The following DCAF1 variants were observed in gnomAD, a reference collection of about 807,000 sequenced individuals.
The protein encoded by DCAF1 is DDB1 and CUL4 associated factor 1.
DCAF1 carries 15 observed loss-of-function variants against 128.0 expected under a neutral mutation model. That is an observed-to-expected ratio of 0.12 (90% CI 0.08 to 0.18). The LOEUF (loss-of-function observed/expected upper bound fraction) is 0.18, where lower values mean the gene tolerates loss of function less well. Among genes scored for constraint, DCAF1 ranks in the 10% least tolerant of loss-of-function variants. DCAF1 has a pLI of 1.00. For missense variants in DCAF1, 988 were observed against 1,649.5 expected (o/e 0.60, Z 6.95); for synonymous variants, 610 against 603.0 (o/e 1.01, Z -0.17).
chr3:51,443,785 C>G lies in DCAF1; in HGVS notation c.494G>C (p.Arg165Thr). 6.2e-7 allele frequency: 1 copy of G among 1,610,516 alleles called. No individual in the cohort carries two copies. Among genetic ancestry groups the G allele is most frequent in the Non-Finnish European group, 8.5e-7 (1 of 1,179,044 alleles). ...MENQDIAANY[R>T]DENSQLVAIV... ...CCTTACCAGCTGTGAATTTTCATCT[C>G]TATAGTTGGCAGCAATGTCTTGATT... Residue 165 changes from arginine to threonine, a missense_variant, in exon 7 of 25, where the codon AGA (arginine) becomes ACA (threonine). Physicochemically the swap from Arg to Thr is moderately conservative, Grantham distance 71. This residue lies in a region of DCAF1 where 210 missense variants were observed against 260.2 expected (regional missense o/e 0.81). Coordinates refer to ENST00000684031, the MANE Select transcript of DCAF1 (RefSeq NM_001387579.1).
At chr3:51,413,618 G>C (rs1553629329) in intron 20 of DCAF1, among the ~76,000 whole-genome samples, 1 of 152,120 alleles carries the variant, frequency 6.6e-6, no homozygotes. Context: ...CTACCTCCAA[G>C]AAGTGTTACT....
rs1196936372 is a variant in DCAF1 at position 51,425,557 on chromosome 3, A to T, written c.1847+1815T>A. ...CTTTCTAGTTATCTTGTAAGCTGTC[A>T]TCTTTTTTTTTTTTTTTTTTTTGGA... On this transcript the variant is annotated intron_variant, in intron 13 of 24. Coordinates refer to ENST00000684031, the MANE Select transcript of DCAF1 (RefSeq NM_001387579.1). Among the ~76,000 whole-genome samples the T allele has an allele frequency of 4.6e-5, 4 of 86,308 alleles. 1 individual carries two copies. Among genetic ancestry groups the T allele is most frequent in the African/African-American group, 1.5e-4 (4 of 26,174 alleles). The allele number at this position is 86,308 out of a possible 152,430, so 56.6% of individuals were successfully genotyped here. A position where few individuals can be genotyped will look rare whatever the true frequency, so the allele number is the denominator to read the frequency against.
chr3:51,493,614 G>A (rs1707905766), intron 2 of DCAF1, among the ~76,000 whole-genome samples: 1 of 152,142 alleles, frequency 6.6e-6, no homozygotes, highest in African/African-American at 2.4e-5. Flanking sequence ...AGAAATGAAT[G>A]AAGTAGTAAC....
intron 18 of DCAF1, 96 bp from the exon 19 acceptor site, chr3:51,414,953 C>A: frequency 6.8e-7 from 1 of 1,463,226 alleles, no homozygotes; most frequent in Admixed American, 2.2e-5. Context: ...AAAATTAACA[C>A]ACAAATTCTC....
intron 4 of DCAF1, among the ~76,000 whole-genome samples, chr3:51,469,404 A>G (rs1304221193): frequency 6.6e-6 from 1 of 151,592 alleles, no homozygotes; most frequent in Non-Finnish European, 1.5e-5. Flanking sequence ...CTAATTTTGT[A>G]TATTTAGTAG....
rs59224025 is a variant in DCAF1, at chr3:51,407,984, C to CAAAAAAAAA, written c.4212+4386_4212+4394dup. Among the ~76,000 whole-genome samples the CAAAAAAAAA allele has an allele frequency of 6.1e-3, 320 of 52,448 alleles. 35 individuals carry two copies. Among genetic ancestry groups the CAAAAAAAAA allele is most frequent in the Non-Finnish European group, 7.7e-3 (242 of 31,614 alleles). The allele number at this position is 52,448 out of a possible 152,430, so 34.4% of individuals were successfully genotyped here. ...TGGGTGACAGGGCGAGACTCCATCT[C>CAAAAAAAAA]AAAAAAAAAAAAAAAAAAAAAAAAA... On this transcript the variant is annotated intron_variant, in intron 23 of 24. Transcript: ENST00000684031.
chr3:51,459,110 A>AATCAG (rs1703253967), intron 6 of DCAF1, among the ~76,000 whole-genome samples: 5 of 152,176 alleles, frequency 3.3e-5, no homozygotes, highest in African/African-American at 1.2e-4. Context: ...CAAAAAATTA[A>AATCAG]TGAATCCAGG....
At chr3:51,476,039 G>A (rs1357575002) in intron 3 of DCAF1, among the ~76,000 whole-genome samples, 1 of 152,038 alleles carries the variant, frequency 6.6e-6, no homozygotes, top group Non-Finnish European at 1.5e-5. Context: ...ACAAGTAAGA[G>A]CTCTTTAGGT....
rs1553648215 is a variant in DCAF1 at position 51,471,002 on chromosome 3, C to T, written c.114G>A (p.Met38Ile). 6.2e-7 allele frequency: 1 copy of T among 1,600,054 alleles called. No individual in the cohort carries two copies. Residue 38 changes from methionine to isoleucine, a missense_variant, in exon 4 of 25, where the codon ATG (methionine) becomes ATA (isoleucine). Transcript: ENST00000684031. ...GQDMVPILTR[M>I]SQLIEKETEE... is the part of the protein sequence containing the mutation. Reference sequence around the variant, plus strand: ...CAGTTTCTTTTTCAATCAATTGAGACATCCTAGCACAAAGGAAACAAGGGG... The same window carrying T: ...CAGTTTCTTTTTCAATCAATTGAGATATCCTAGCACAAAGGAAACAAGGGG...
intron 23 of DCAF1, among the ~76,000 whole-genome samples, chr3:51,411,391 T>C (rs532966970): frequency 2.4e-4 from 36 of 152,170 alleles, no homozygotes; most frequent in African/African-American, 8.4e-4. Flanking sequence ...GAATGTACTC[T>C]TGGAAAGAGA....
chr3:51,498,391 AAG>A (rs1449533644), intron 1 of DCAF1, among the ~76,000 whole-genome samples: 4 of 151,590 alleles, frequency 2.6e-5, no homozygotes, highest in Non-Finnish European at 4.4e-5. Flanking sequence ...AAAAAAAAAA[AAG>A]AGTTATCACA....
chr3:51,486,598 T>G (rs1706984759), intron 2 of DCAF1, among the ~76,000 whole-genome samples: 1 of 152,066 alleles, frequency 6.6e-6, no homozygotes, highest in Admixed American at 6.6e-5. Flanking sequence ...GGTTGCATAT[T>G]TTACTGCTAT....
At chr3:51,422,273 C>G (rs1553632717) in intron 14 of DCAF1, 34 bp downstream of exon 14, 3 of 744,770 alleles carry the variant, frequency 4.0e-6, no homozygotes, top group Non-Finnish European at 7.5e-6. Flanking sequence ...AAATCCAGAC[C>G]AAGAAACAAC....
In DCAF1 at chr3:51,420,740, T is replaced by C. The variant is rs192513396; in HGVS notation, c.2230A>G (p.Ile744Val). ...TCTGCATCTGTGATGGGCATCTTAA[T>C]GGACAGTAAGGACAGGAGCACCTTG... Reference protein sequence around the residue: ...GIKVLLSLLSIKMPITDADQI... With the variant: ...GIKVLLSLLSVKMPITDADQI... Residue 744 changes from isoleucine to valine, a missense_variant, in exon 15 of 25, where the codon ATT (isoleucine) becomes GTT (valine). Physicochemically the swap from Ile to Val is conservative, Grantham distance 29. This residue lies in a region of DCAF1 where 76 missense variants were observed against 186.9 expected (regional missense o/e 0.41). Coordinates refer to ENST00000684031, the MANE Select transcript of DCAF1 (RefSeq NM_001387579.1). This position sits in a 1 kb window ranked among gnomAD's most constrained non-coding sequence, Gnocchi z 6.5. 1.5e-5 allele frequency: 25 copies of C among 1,614,066 alleles called. No individual in the cohort carries two copies. The African/African-American group carries it at 2.3e-4, about 15-fold the overall frequency.
At chr3:51,483,648 T>A in intron 3 of DCAF1, 71 bp downstream of exon 3, 1 of 985,058 alleles carries the variant, frequency 1.0e-6, no homozygotes, top group Non-Finnish European at 1.6e-6. Flanking sequence ...TGTGTGTGTA[T>A]GAAGAAATCT....
At position 51,416,793 on chromosome 3, in the gene DCAF1, A is replaced by C; in HGVS notation, c.3597T>G (p.Ile1199Met). ...GTGGTTCTTAAGTACTTACGTGGGC[A>C]ATGTCTCCTTTTGTGCCGATGACCC... is the stretch of plus-strand genomic sequence containing the variant. ...QDRVIGTKGDIAHIYDIQTGN... is the reference protein window; with the variant it reads ...QDRVIGTKGDMAHIYDIQTGN... The change falls in exon 18 of 25, where the codon ATT becomes ATG. Residue 1199 changes from isoleucine (I) to methionine (M), a missense_variant. This residue lies in a region of DCAF1 where 61 missense variants were observed against 78.3 expected (regional missense o/e 0.78). Transcript: ENST00000684031. 6.2e-7 allele frequency: 1 copy of C among 1,610,594 alleles called. No individual in the cohort carries two copies. Among genetic ancestry groups the C allele is most frequent in the Non-Finnish European group, 8.5e-7 (1 of 1,178,346 alleles).
At chr3:51,492,948 C>T (rs1276830549) in intron 2 of DCAF1, among the ~76,000 whole-genome samples, 6 of 151,554 alleles carry the variant, frequency 4.0e-5, no homozygotes, top group African/African-American at 1.2e-4. Context: ...GAGCCGAGAT[C>T]GCGCCACTGC....
chr3:51,427,233 A>G (rs528997199), intron 13 of DCAF1, 139 bp downstream of exon 13: 35 of 558,832 alleles, frequency 6.3e-5, no homozygotes, highest in Admixed American at 3.4e-4. Context: ...TTTCATGCCT[A>G]ATCTAATTTC....
intron 24 of DCAF1, among the ~76,000 whole-genome samples, chr3:51,400,734 C>G (rs1553624569): frequency 6.6e-6 from 1 of 152,102 alleles, no homozygotes; most frequent in Non-Finnish European, 1.5e-5. Context: ...TCTGAAAGGT[C>G]GCTAAGGCAG....
Sources: allele counts gnomAD v4.1 joint callset (sites outside exome capture counted in the v4.1 genomes callset), GRCh38; gene constraint gnomAD v4.1.1; regional missense constraint gnomAD v4.1.1; non-coding constraint Gnocchi (gnomAD v3.1); transcripts MANE v1.5; gene names NCBI Gene and HGNC (gene_info 2026-07-23, HGNC 2026-07-21).